The following CAMSAP1 variants were observed in gnomAD, a reference collection of about 807,000 sequenced individuals.
CAMSAP1 encodes the protein calmodulin-regulated spectrin-associated protein 1.
A neutral mutation model predicts 143.5 loss-of-function variants in CAMSAP1; 58 were observed. The ratio of observed to expected loss-of-function variants is 0.40; its 90% CI spans 0.33 to 0.50. The LOEUF is 0.50. Among genes scored for constraint, CAMSAP1 ranks in the 20% least tolerant of loss-of-function variants. The probability of loss-of-function intolerance (pLI) is 0.45; values close to 1 mark genes in which losing one functional copy is unlikely to be tolerated. For missense variants in CAMSAP1, 1,969 were observed against 2,115.7 expected (o/e 0.93, Z 1.36); for synonymous variants, 945 against 859.3 (o/e 1.10, Z -1.74).
At chr9:135,823,362 C>T in intron 10 of CAMSAP1, 102 bp from the exon 11 acceptor site, 3 of 1,263,454 alleles carry the variant, frequency 2.4e-6, no homozygotes, top group Non-Finnish European at 3.2e-6. Context: ...GAGAATACGC[C>T]TCTCATATGC....
At position 135,818,881 on chromosome 9, in the gene CAMSAP1, T is replaced by C. The variant is rs1588441427; in HGVS notation, c.3959+129A>G. 6 of 1,397,456 alleles carry C rather than the reference T, an allele frequency of 4.3e-6. No individual in the cohort carries two copies. The Admixed American group carries it at 6.5e-5, about 15-fold the overall frequency. 86.6% of individuals were successfully genotyped at this position (1,397,456 alleles called of 1,614,324 possible). ...CGTGAAAGTTCGGGGAGGTGGTCCA[T>C]GGGAGGAGTAAGACCGTCACAGGCA... On this transcript the variant is annotated intron_variant, in intron 12 of 16. Coordinates refer to ENST00000389532, the MANE Select transcript of CAMSAP1 (RefSeq NM_015447.4). This position sits in a 1 kb window ranked among gnomAD's most constrained non-coding sequence, Gnocchi z 7.7.
intron 7 of CAMSAP1, among the ~76,000 whole-genome samples, chr9:135,837,495 A>G (rs1836115055): frequency 6.8e-6 from 1 of 147,554 alleles, no homozygotes; most frequent in Admixed American, 6.8e-5. Context: ...ATCATCATGC[A>G]CTTTCTACCG....
At chr9:135,814,238 C>T (rs1264775278) in intron 16 of CAMSAP1, among the ~76,000 whole-genome samples, 3 of 152,218 alleles carry the variant, frequency 2.0e-5, no homozygotes, top group Admixed American at 6.5e-5. Context: ...AAGAACACAT[C>T]CGTTTTAAAG....
chr9:135,809,857 A>G lies in CAMSAP1; in HGVS notation c.*1452T>C, dbSNP rs1469107930. 1 of 152,586 alleles carries G rather than the reference A, an allele frequency of 6.6e-6. No individual in the cohort carries two copies. The highest frequency in any genetic ancestry group is 1.5e-5 in the Non-Finnish European group (1 of 68,036). The allele number at this position is 152,586 out of a possible 1,614,324, so 9.5% of individuals were successfully genotyped here. On this transcript the variant is annotated 3_prime_UTR_variant, in exon 17 of 17. Transcript: ENST00000389532. ...GACTGAGGAAAGGGGAATAAGACCT[A>G]TAATTCCTTCTAGCCTTCTGTACCA... is the stretch of plus-strand genomic sequence containing the variant.
chr9:135,900,367 G>A (rs945747442), intron 1 of CAMSAP1, among the ~76,000 whole-genome samples: 1 of 152,004 alleles, frequency 6.6e-6, no homozygotes, highest in African/African-American at 2.4e-5. Flanking sequence ...TGAAGTGATG[G>A]GACGAGAGTG....
rs548236219 is a variant in CAMSAP1 at position 135,894,354 on chromosome 9, G to A, written c.161-11276C>T. On this transcript the variant is annotated intron_variant, in intron 1 of 16. Coordinates refer to ENST00000389532, the MANE Select transcript of CAMSAP1 (RefSeq NM_015447.4). ...CTCTCCCCACTGAGGGAAGCCATCC[G>A]AGGGGAGGGGCGGACACCGGCACAG... is the stretch of plus-strand genomic sequence containing the variant. Among the ~76,000 whole-genome samples the A allele has an allele frequency of 3.9e-5, 6 of 152,328 alleles. No individual in the cohort carries two copies. In the East Asian group the frequency reaches 7.7e-4, roughly 20 times the overall value.
chr9:135,852,483 T>C (rs1014101131), intron 5 of CAMSAP1, among the ~76,000 whole-genome samples: 1 of 152,328 alleles, frequency 6.6e-6, no homozygotes, highest in Admixed American at 6.5e-5. Context: ...TTTGCATCTT[T>C]ACTCCGAGGA....
At chr9:135,836,975 TACAG>T (rs1438159863) in intron 7 of CAMSAP1, 2 of 975,520 alleles carry the variant, frequency 2.1e-6, no homozygotes, top group African/African-American at 3.5e-5. Context: ...CTACCCATTC[TACAG>T]ACACACATCA....
At chr9:135,815,836 C>T (rs1271777791) in intron 15 of CAMSAP1, 54 bp downstream of exon 15, 1 of 1,415,820 alleles carries the variant, frequency 7.1e-7, no homozygotes, top group African/African-American at 1.4e-5. Flanking sequence ...AAGAGCCACG[C>T]AAAGGCGTAT....
rs1481157992 is a variant in CAMSAP1 at position 135,818,610 on chromosome 9, T to A, written c.3966A>T (p.Lys1322Asn). The change falls in exon 13 of 17, where the codon AAA becomes AAT. Residue 1322 changes from lysine (K) to asparagine (N), a missense_variant. Around this residue, in one of 4 missense-constraint regions of CAMSAP1, gnomAD observed 1,390 missense variants for 1,420.8 expected, o/e 0.98. Coordinates refer to ENST00000389532, the MANE Select transcript of CAMSAP1 (RefSeq NM_015447.4). The surrounding 1 kb of genome is among the most constrained non-coding windows in gnomAD (Gnocchi z 7.7). ...VELKRDEARR[K>N]AEEDRVRKEE... The stretch of plus-strand genomic sequence containing the variant: ...CCTTCCGCACCCGGTCTTCCTCAGC[T>A]TTGCGCCTGAGAGAAACACACGCCC... 3 of 1,612,940 alleles carry A rather than the reference T, an allele frequency of 1.9e-6. No individual in the cohort carries two copies.
intron 1 of CAMSAP1, among the ~76,000 whole-genome samples, chr9:135,892,850 A>AAAAAAAAAAC: frequency 7.4e-6 from 1 of 134,934 alleles, no homozygotes; most frequent in Non-Finnish European, 1.6e-5. Context: ...GACTGTCTCA[A>AAAAAAAAAAC]AAAAAAAAAA....
intron 1 of CAMSAP1, among the ~76,000 whole-genome samples, chr9:135,885,867 G>T (rs7857280): frequency 1.3e-5 from 2 of 152,064 alleles, no homozygotes; most frequent in Non-Finnish European, 2.9e-5. Context: ...TTTCCATCCG[G>T]CCTAAGGAAG....
At position 135,852,031 on chromosome 9, in the gene CAMSAP1, G is replaced by A. The variant is rs534147777; in HGVS notation, c.809-1570C>T. Reference sequence around the variant, plus strand: ...TTCCCACCTGCACCGCAGCATGACCGACCTGTCCATGTCTGCCAGGCGGAG... The same window carrying A: ...TTCCCACCTGCACCGCAGCATGACCAACCTGTCCATGTCTGCCAGGCGGAG... On this transcript the variant is annotated intron_variant, in intron 5 of 16. Coordinates refer to ENST00000389532, the MANE Select transcript of CAMSAP1 (RefSeq NM_015447.4). 1.4e-4 allele frequency among the ~76,000 whole-genome samples: 22 copies of A among 152,272 alleles called. No homozygotes were observed. The South Asian group carries it at 2.3e-3, about 16-fold the overall frequency.
chr9:135,872,348 T>C (rs1273525400), intron 3 of CAMSAP1, among the ~76,000 whole-genome samples: 2 of 152,098 alleles, frequency 1.3e-5, no homozygotes, highest in Non-Finnish European at 2.9e-5. Flanking sequence ...TCACTTTGAC[T>C]TGCAGGCAGC....
chr9:135,861,329 C>A (rs987114522), intron 5 of CAMSAP1, among the ~76,000 whole-genome samples: 6 of 151,344 alleles, frequency 4.0e-5, no homozygotes, highest in Non-Finnish European at 2.9e-5. Flanking sequence ...TTTTTTCCCC[C>A]CGAGACAGAG....
intron 3 of CAMSAP1, among the ~76,000 whole-genome samples, chr9:135,870,817 AT>A (rs746196098): frequency 6.6e-6 from 1 of 152,194 alleles, no homozygotes; most frequent in Non-Finnish European, 1.5e-5. Context: ...AAATAAAAAA[AT>A]TTAAAAATCC....
intron 1 of CAMSAP1, among the ~76,000 whole-genome samples, chr9:135,898,555 C>T (rs1484320181): frequency 6.6e-6 from 1 of 152,086 alleles, no homozygotes; most frequent in East Asian, 1.9e-4. Flanking sequence ...AATTTTTTTA[C>T]ATTAGCCAAG....
At chr9:135,849,385 G>A (rs1197674734) in intron 7 of CAMSAP1, among the ~76,000 whole-genome samples, 1 of 152,184 alleles carries the variant, frequency 6.6e-6, no homozygotes, top group Non-Finnish European at 1.5e-5. Flanking sequence ...CTTAAGCATT[G>A]CAAGCTGCAG....
rs540030185 is a variant in CAMSAP1 at position 135,820,181 on chromosome 9, A to C, written c.3822+658T>G. 6.6e-6 allele frequency among the ~76,000 whole-genome samples: 1 copy of C among 152,312 alleles called. No individual in the cohort carries two copies. The highest frequency in any genetic ancestry group is 6.5e-5 in the Admixed American group (1 of 15,302). ...ACCTGCACAGCACATTACTGTACCC[A>C]ATACTGTAAGTAACTGTGTATCAAA... is the stretch of plus-strand genomic sequence containing the variant. On this transcript the variant is annotated intron_variant, in intron 11 of 16. Coordinates refer to ENST00000389532, the MANE Select transcript of CAMSAP1 (RefSeq NM_015447.4). The surrounding 1 kb of genome is among the most constrained non-coding windows in gnomAD (Gnocchi z 4.4).
Sources: allele counts gnomAD v4.1 joint callset (sites outside exome capture counted in the v4.1 genomes callset), GRCh38; gene constraint gnomAD v4.1.1; regional missense constraint gnomAD v4.1.1; non-coding constraint Gnocchi (gnomAD v3.1); transcripts MANE v1.5; gene names NCBI Gene and HGNC (gene_info 2026-07-23, HGNC 2026-07-21).